The following ADGRD2 variants were observed in gnomAD, a reference collection of about 807,000 sequenced individuals.
ADGRD2 encodes the protein adhesion G protein-coupled receptor D2, also known as G protein-coupled receptor PGR24.
Under a neutral mutation model 44.4 loss-of-function variants are expected in ADGRD2, and 71 were observed. The observed-to-expected ratio is 1.60, with a 90% confidence interval of 1.32 to 1.95. The LOEUF (loss-of-function observed/expected upper bound fraction) is 1.95, where lower values mean the gene tolerates loss of function less well. Ranked by LOEUF, ADGRD2 falls within the 30% of genes most tolerant of loss-of-function variation. ADGRD2 has a pLI of 0.00. For synonymous variants in ADGRD2, 481 were observed against 224.8 expected (o/e 2.14, Z -10.19); for missense variants, 1,039 against 512.4 (o/e 2.03, Z -9.92).
chr9:124,476,767 A>C (rs1011843142), intron 21 of ADGRD2, 58 bp downstream of exon 24: 6 of 681,206 alleles, frequency 8.8e-6, no homozygotes, highest in Non-Finnish European at 1.6e-5. Context: ...ACACCCCCTA[A>C]GCCCCCCGTA....
At chr9:124,475,871 A>G (rs1271121647) in intron 19 of ADGRD2, among the ~76,000 whole-genome samples, 1 of 152,180 alleles carries the variant, frequency 6.6e-6, no homozygotes, top group Non-Finnish European at 1.5e-5. Flanking sequence ...GCACTCAGGC[A>G]GAGCTGGGAG....
At chr9:124,463,941 G>T (rs944282204) in intron 10 of ADGRD2, among the ~76,000 whole-genome samples, 1 of 152,014 alleles carries the variant, frequency 6.6e-6, no homozygotes, top group Admixed American at 6.6e-5. Context: ...GGGATCAAGC[G>T]ATCCTTCCAG....
intron 11 of ADGRD2, 116 bp downstream of exon 14, chr9:124,466,529 C>G: frequency 3.5e-6 from 2 of 570,490 alleles, no homozygotes; most frequent in Non-Finnish European, 6.5e-6. Context: ...CATAGATTGT[C>G]GGGGACAGGG....
chr9:124,452,143 C>G lies in ADGRD2; in HGVS notation c.55C>G (p.Leu19Val), dbSNP rs745910635. ...AACTCCCCAGGTGAATCAAGGAACC[C>G]TTGGGCCCCAGGTTGGTATGAGGGA... The change falls in exon 1 of 22, where the codon CTT becomes GTT. Residue 19 changes from leucine (L) to valine (V), a missense_variant. By Grantham distance (32) the Leu-to-Val change is conservative. Coordinates refer to ENST00000334810, the Ensembl canonical transcript of ADGRD2. 3.6e-5 allele frequency: 26 copies of G among 717,424 alleles called. No individual in the cohort carries two copies. In the Admixed American group the frequency reaches 4.6e-4, roughly 13 times the overall value. 44.4% of individuals were successfully genotyped at this position (717,424 alleles called of 1,614,324 possible).
intron 3 of ADGRD2, 43 bp downstream of exon 6, chr9:124,453,719 C>G: frequency 1.9e-6 from 1 of 530,624 alleles, no homozygotes; most frequent in Non-Finnish European, 3.5e-6. Context: ...GGCCCCGAAT[C>G]CTTCCCTTCC....
chr9:124,451,193 T>C, upstream of ADGRD2: 3 of 472,120 alleles, frequency 6.4e-6, 1 homozygote, highest in South Asian at 4.6e-5. Flanking sequence ...GGAGCAGCGG[T>C]GGACAGGTGA....
chr9:124,478,092 G>C (rs1297875880), intron 21 of ADGRD2, among the ~76,000 whole-genome samples, 189 bp from the exon 25 acceptor site: 1 of 152,166 alleles, frequency 6.6e-6, no homozygotes, highest in Non-Finnish European at 1.5e-5. Flanking sequence ...TCGCGGGGCC[G>C]CCACCGCCCC....
chr9:124,456,017 C>T (rs1831609131), intron 6 of ADGRD2, among the ~76,000 whole-genome samples: 1 of 152,174 alleles, frequency 6.6e-6, no homozygotes, highest in Non-Finnish European at 1.5e-5. Flanking sequence ...GAATGATTCA[C>T]CATGGGTAGT....
chr9:124,466,291 T>A, exon 11 of ADGRD2: 1 of 712,708 alleles, frequency 1.4e-6, no homozygotes, highest in Non-Finnish European at 2.6e-6. Flanking sequence ...CCCAAGCCCA[T>A]ATACAGGGGG....
intron 10 of ADGRD2, chr9:124,465,893 T>C (rs1831812500): frequency 1.2e-5 from 2 of 166,550 alleles, no homozygotes; most frequent in Non-Finnish European, 2.6e-5. Flanking sequence ...ATCTGTCAAA[T>C]TGGCGTTGAA....
At chr9:124,452,546 G>T in exon 2 of ADGRD2, 1 of 718,566 alleles carries the variant, frequency 1.4e-6, no homozygotes, top group Non-Finnish European at 2.6e-6. Context: ...AAGACTGCAG[G>T]TGGGGTGTGC....
upstream of ADGRD2, chr9:124,451,410 G>A: frequency 5.5e-6 from 2 of 361,886 alleles, no homozygotes; most frequent in Non-Finnish European, 1.1e-5. Flanking sequence ...TCCTGAAGGG[G>A]CTCCTGGAGA....
chr9:124,477,190 C>T, intron 21 of ADGRD2: 1 of 402,056 alleles, frequency 2.5e-6, no homozygotes, highest in Admixed American at 2.8e-5. Flanking sequence ...CTGATGGGGG[C>T]ATGACGGGGG....
At chr9:124,452,380 A>G in intron 1 of ADGRD2, 130 bp from the exon 5 acceptor site, 1 of 678,060 alleles carries the variant, frequency 1.5e-6, no homozygotes, top group Non-Finnish European at 2.7e-6. Flanking sequence ...TCAGCAGGCC[A>G]TAGACATGGG....
intron 10 of ADGRD2, among the ~76,000 whole-genome samples, chr9:124,461,912 A>AT (rs1831729401): frequency 6.6e-6 from 1 of 151,698 alleles, no homozygotes. Flanking sequence ...CGCCTCATCA[A>AT]TTTTTTGTAT....
At chr9:124,457,823 C>T (rs376318173) in intron 8 of ADGRD2, among the ~76,000 whole-genome samples, 1 of 152,240 alleles carries the variant, frequency 6.6e-6, no homozygotes, top group Non-Finnish European at 1.5e-5. Flanking sequence ...CACATCTTCC[C>T]TCGGGAGTGG....
intron 21 of ADGRD2, chr9:124,476,958 G>A (rs1156891678): frequency 1.4e-6 from 1 of 694,720 alleles, no homozygotes; most frequent in Non-Finnish European, 2.7e-6. Context: ...GCTGCCAAGA[G>A]CACAACCTGC....
At chr9:124,457,261 C>T (rs1013003798) in intron 7 of ADGRD2, among the ~76,000 whole-genome samples, 54 of 152,334 alleles carry the variant, frequency 3.5e-4, no homozygotes, top group African/African-American at 1.1e-3. Context: ...GGTCCTGCCT[C>T]GCGGTGACCG....
At chr9:124,475,641 T>C in intron 19 of ADGRD2, 26 bp downstream of exon 22, 1 of 391,364 alleles carries the variant, frequency 2.6e-6, no homozygotes, top group Non-Finnish European at 5.1e-6. Context: ...GGGGTGTGGG[T>C]GGGGGCGGGA....
Sources: gnomAD v4.1 joint callset for allele counts (sites outside exome capture counted in the v4.1 genomes callset) on GRCh38, gnomAD v4.1.1 for gene constraint, MANE v1.5 for transcripts, NCBI Gene and HGNC (gene_info 2026-07-23, HGNC 2026-07-21) for gene names.